The following TEC variants were observed in gnomAD, a reference collection of about 807,000 sequenced individuals.
The protein encoded by TEC is tyrosine-protein kinase Tec.
A neutral mutation model predicts 93.0 loss-of-function variants in TEC; 72 were observed. The observed-to-expected ratio is 0.77, with a 90% CI of 0.64 to 0.94. TEC has a LOEUF of 0.94. TEC is among the 40% of genes least tolerant of loss of function. TEC has a pLI of 0.00. For missense variants in TEC, 630 were observed against 757.9 expected (o/e 0.83, Z 1.98); for synonymous variants, 249 against 247.7 (o/e 1.01, Z -0.05).
Position 48,176,163 on chromosome 4 carries a change from A to G in TEC, c.162T>C (p.Ile54=). The change falls in exon 3 of 18, where the codon ATT becomes ATC. Residue 54 remains isoleucine (I), a synonymous_variant. Coordinates refer to ENST00000381501, the MANE Select transcript of TEC (RefSeq NM_003215.3). ...RAEKKYRKGF[I]DVSKIKCVEI... ...CCACACACTTGATTTTTGAAACATCAATAAACCCCTTTCTGTATTTCTTCT... is the reference window on the plus strand; with the variant it reads ...CCACACACTTGATTTTTGAAACATCGATAAACCCCTTTCTGTATTTCTTCT... 6.2e-7 allele frequency: 1 copy of G among 1,612,576 alleles called. No homozygotes were observed. Among genetic ancestry groups the G allele is most frequent in the Non-Finnish European group, 8.5e-7 (1 of 1,178,852 alleles).
intron 2 of TEC, among the ~76,000 whole-genome samples, chr4:48,213,837 C>A (rs1159075): frequency 6.6e-6 from 1 of 151,794 alleles, no homozygotes; most frequent in African/African-American, 2.4e-5. Context: ...CCAGGCTAGA[C>A]GTAAACTCTT....
chr4:48,237,476 A>G (rs1723817845), intron 1 of TEC, among the ~76,000 whole-genome samples: 1 of 152,198 alleles, frequency 6.6e-6, no homozygotes, highest in Non-Finnish European at 1.5e-5. Flanking sequence ...AAAGAAAACA[A>G]AAGTGACTGT....
intron 14 of TEC, among the ~76,000 whole-genome samples, chr4:48,144,129 C>T (rs183650610): frequency 2.9e-4 from 44 of 152,156 alleles, no homozygotes; most frequent in Non-Finnish European, 5.4e-4. Flanking sequence ...GCAGGAGGAT[C>T]GCTTGAACCC....
chr4:48,139,074 T>A, intron 15 of TEC, 52 bp from the exon 16 acceptor site: 1 of 1,452,676 alleles, frequency 6.9e-7, no homozygotes, highest in Non-Finnish European at 9.6e-7. Flanking sequence ...ATCTGTTTTT[T>A]CTACTTGCTC....
intron 2 of TEC, among the ~76,000 whole-genome samples, chr4:48,217,589 G>A (rs1323771169): frequency 6.6e-6 from 1 of 152,166 alleles, no homozygotes; most frequent in Non-Finnish European, 1.5e-5. Flanking sequence ...TCATTGAGTA[G>A]TCATGAGATA....
chr4:48,232,605 T>C (rs1376100711), intron 1 of TEC, among the ~76,000 whole-genome samples: 3 of 152,200 alleles, frequency 2.0e-5, no homozygotes, highest in African/African-American at 7.2e-5. Context: ...TTCAGAGAGA[T>C]ACAAATGAAG....
intron 1 of TEC, among the ~76,000 whole-genome samples, chr4:48,236,808 G>T (rs1322898682): frequency 2.0e-5 from 3 of 152,182 alleles, no homozygotes; most frequent in Non-Finnish European, 4.4e-5. Context: ...TGTCTATCCA[G>T]CGTTGCAAAT....
At chr4:48,166,889 G>T (rs1720891995) in intron 7 of TEC, among the ~76,000 whole-genome samples, 1 of 151,670 alleles carries the variant, frequency 6.6e-6, no homozygotes, top group African/African-American at 2.4e-5. Flanking sequence ...TAAACTAGAG[G>T]TTTCCACTGC....
At position 48,236,023 on chromosome 4, in the gene TEC, G is replaced by A. The variant is rs144262008; in HGVS notation, c.-45-7364C>T. ...GAATGGAAGGAAAAAGTTTAATGAG[G>A]TGTCACTTCCAGTCTCCTAGTTTAG... On this transcript the variant is annotated intron_variant, in intron 1 of 17. Transcript: ENST00000381501. 3.3e-5 allele frequency among the ~76,000 whole-genome samples: 5 copies of A among 152,202 alleles called. No individual in the cohort carries two copies. The East Asian group carries it at 9.7e-4, about 29-fold the overall frequency.
At chr4:48,223,192 TC>T (rs1424984613) in intron 2 of TEC, among the ~76,000 whole-genome samples, 1 of 152,222 alleles carries the variant, frequency 6.6e-6, no homozygotes. Context: ...TTTTATAAAG[TC>T]CAATGAGAGA....
intron 5 of TEC, 117 bp from the exon 6 acceptor site, chr4:48,168,743 C>G: frequency 1.0e-6 from 1 of 967,980 alleles, no homozygotes; most frequent in Non-Finnish European, 1.6e-6. Context: ...GCAGCACACT[C>G]TGACCAACTC....
chr4:48,237,319 C>CAA (rs34570564), intron 1 of TEC, among the ~76,000 whole-genome samples: 24,476 of 118,762 alleles, frequency 0.21, 3,541 homozygotes, highest in African/African-American at 0.44. Context: ...GACTCTGTCT[C>CAA]AAAAAAAAAA....
intron 2 of TEC, among the ~76,000 whole-genome samples, chr4:48,221,313 T>C (rs1723253117): frequency 6.6e-6 from 1 of 152,144 alleles, no homozygotes; most frequent in Non-Finnish European, 1.5e-5. Context: ...CTGGGGGCGG[T>C]TACCCCCATG....
chr4:48,229,892 G>A (rs1314271342), intron 1 of TEC, among the ~76,000 whole-genome samples: 4 of 150,990 alleles, frequency 2.6e-5, no homozygotes, highest in Non-Finnish European at 5.9e-5. Context: ...TGGCCAACAT[G>A]GTGAAACCCC....
Position 48,149,610 on chromosome 4 carries a change from T to G in TEC, c.953A>C (p.His318Pro), listed in dbSNP as rs543420319. The G allele has an allele frequency of 1.2e-6, 2 of 1,612,498 alleles. No homozygotes were observed. Among genetic ancestry groups the G allele is most frequent in the East Asian group, 4.5e-5 (2 of 44,686 alleles). Residue 318 changes from histidine (H) to proline (P), a missense_variant, in exon 11 of 18, where the codon CAT becomes CCT. By Grantham distance (77) the His-to-Pro change is moderately conservative. Coordinates refer to ENST00000381501, the MANE Select transcript of TEC (RefSeq NM_003215.3). ...SPKKYYLAEK[H>P]AFGSIPEIIE... ...AATCTCAGGAATGGAGCCAAAAGCA[T>G]GTTTTTCAGCTAGGTAATACTTCTT... is the stretch of plus-strand genomic sequence containing the variant.
At chr4:48,212,129 A>ATG (rs1560410893) in intron 2 of TEC, among the ~76,000 whole-genome samples, 1 of 145,884 alleles carries the variant, frequency 6.9e-6, no homozygotes, top group African/African-American at 2.5e-5. Flanking sequence ...ATATATATAT[A>ATG]TATGTATATA....
intron 2 of TEC, among the ~76,000 whole-genome samples, chr4:48,190,721 A>G (rs1722063512): frequency 6.6e-6 from 1 of 152,222 alleles, no homozygotes; most frequent in African/African-American, 2.4e-5. Flanking sequence ...TTGTTAAAGG[A>G]AAAAAGACTG....
chr4:48,168,732 A>T, intron 5 of TEC, 106 bp from the exon 6 acceptor site: 3 of 1,190,314 alleles, frequency 2.5e-6, no homozygotes, highest in Non-Finnish European at 3.6e-6. Flanking sequence ...CACATAGACA[A>T]GCAGCACACT....
intron 11 of TEC, among the ~76,000 whole-genome samples, chr4:48,148,035 A>T (rs536847735): frequency 1.3e-5 from 2 of 152,316 alleles, no homozygotes; most frequent in South Asian, 4.1e-4. Context: ...AGAATAGGCA[A>T]ATCTATAAGA....
Sources: gnomAD v4.1 joint callset for allele counts (sites outside exome capture counted in the v4.1 genomes callset) on GRCh38, gnomAD v4.1.1 for gene constraint, MANE v1.5 for transcripts, NCBI Gene and HGNC (gene_info 2026-07-23, HGNC 2026-07-21) for gene names.